GATAD2A: variants seen among roughly 807,000 people sequenced by gnomAD.
The protein encoded by GATAD2A is transcriptional repressor p66-alpha.
A neutral mutation model predicts 68.5 loss-of-function variants in GATAD2A; 12 were observed. The ratio of observed to expected loss-of-function variants is 0.18; its 90% CI spans 0.11 to 0.28. GATAD2A has a LOEUF of 0.28. GATAD2A is among the 10% of genes least tolerant of loss of function. The probability of loss-of-function intolerance (pLI) is 1.00; values close to 1 mark genes in which losing one functional copy is unlikely to be tolerated. For missense variants in GATAD2A, 755 were observed against 868.5 expected (o/e 0.87, Z 1.64); for synonymous variants, 410 against 375.3 (o/e 1.09, Z -1.07).
intron 7 of GATAD2A, among the ~76,000 whole-genome samples, chr19:19,497,283 A>T (rs951102785): frequency 6.6e-6 from 1 of 152,174 alleles, no homozygotes; most frequent in African/African-American, 2.4e-5. Context: ...TTTAGTCAAG[A>T]CAGTGTTACA....
intron 1 of GATAD2A, among the ~76,000 whole-genome samples, chr19:19,437,138 T>G (rs1439108982): frequency 6.6e-6 from 1 of 152,228 alleles, no homozygotes; most frequent in Non-Finnish European, 1.5e-5. Context: ...ATTTTTATTT[T>G]TTATGTTTTG....
intron 4 of GATAD2A, among the ~76,000 whole-genome samples, chr19:19,493,830 C>G (rs940328339): frequency 6.8e-6 from 1 of 147,214 alleles, no homozygotes; most frequent in Non-Finnish European, 1.5e-5. Flanking sequence ...TGTCACTTGT[C>G]GAAAACTCAT....
At chr19:19,470,151 T>C (rs936669932) in intron 2 of GATAD2A, among the ~76,000 whole-genome samples, 1 of 137,392 alleles carries the variant, frequency 7.3e-6, no homozygotes, top group African/African-American at 2.8e-5. Flanking sequence ...TTATTTTTTT[T>C]TTTGTTTTTT....
rs1028096773 is a variant in GATAD2A, at chr19:19,508,395, A to G, written c.*2921A>G. 6.6e-6 allele frequency: 1 copy of G among 152,246 alleles called. No individual in the cohort carries two copies. Among genetic ancestry groups the G allele is most frequent in the African/African-American group, 2.4e-5 (1 of 41,436 alleles). 9.4% of individuals were successfully genotyped at this position (152,246 alleles called of 1,614,324 possible). On this transcript the variant is annotated 3_prime_UTR_variant, in exon 12 of 12. Coordinates refer to ENST00000683918, the MANE Select transcript of GATAD2A (RefSeq NM_001384528.1). ...CCCTTCTCAGAGTGGAACAGCCCACAGTGCTAGTTGTGCCTGGTCTTACCT... is the reference window on the plus strand; with the variant it reads ...CCCTTCTCAGAGTGGAACAGCCCACGGTGCTAGTTGTGCCTGGTCTTACCT...
rs1600248856 is a variant in GATAD2A at position 19,483,602 on chromosome 19, C to T, written c.270-8704C>T. The stretch of plus-strand genomic sequence containing the variant: ...GGTGACTCGGGAGGACACCAGACAA[C>T]CCCCAGGAGTTCTTCAGTGTTTTTT... On this transcript the variant is annotated intron_variant, in intron 2 of 11. Transcript: ENST00000683918. Among the ~76,000 whole-genome samples the T allele has an allele frequency of 2.0e-5, 3 of 151,940 alleles. No individual in the cohort carries two copies. The South Asian group carries it at 6.2e-4, about 32-fold the overall frequency.
At chr19:19,429,494 G>A (rs1185793088) in intron 1 of GATAD2A, among the ~76,000 whole-genome samples, 3 of 152,052 alleles carry the variant, frequency 2.0e-5, no homozygotes, top group African/African-American at 7.2e-5. Flanking sequence ...CTTGAAGGCC[G>A]TGGTGAGGTG....
intron 1 of GATAD2A, among the ~76,000 whole-genome samples, chr19:19,421,651 G>A (rs1201187898): frequency 2.6e-5 from 4 of 152,120 alleles, no homozygotes; most frequent in African/African-American, 7.2e-5. Flanking sequence ...TACTGTGTGC[G>A]AGGGAAGAAA....
intron 2 of GATAD2A, among the ~76,000 whole-genome samples, chr19:19,465,900 C>T (rs576613521): frequency 1.3e-5 from 2 of 152,382 alleles, no homozygotes; most frequent in East Asian, 3.9e-4. Flanking sequence ...CACCCACGCA[C>T]CTGCTGTCTG....
rs376767972 is a variant in GATAD2A at position 19,421,828 on chromosome 19, T to C, written c.-7+15809T>C. On this transcript the variant is annotated intron_variant, in intron 1 of 11. Transcript: ENST00000683918. ...ACCTTCTCTCTCTTTTTTTTTTTTC[T>C]TCTTTTTTGAGACAGAGTCTCACTC... is the stretch of plus-strand genomic sequence containing the variant. Among the ~76,000 whole-genome samples the C allele has an allele frequency of 2.6e-4, 39 of 151,888 alleles. No homozygotes were observed. The South Asian group carries it at 4.4e-3, about 17-fold the overall frequency.
intron 11 of GATAD2A, among the ~76,000 whole-genome samples, chr19:19,504,973 C>T (rs2144558966): frequency 6.6e-6 from 1 of 152,268 alleles, no homozygotes; most frequent in East Asian, 1.9e-4. Flanking sequence ...GCATAGTATT[C>T]CATCCTGCAT....
intron 1 of GATAD2A, among the ~76,000 whole-genome samples, chr19:19,418,282 C>T (rs1193789990): frequency 1.3e-5 from 2 of 152,304 alleles, no homozygotes; most frequent in African/African-American, 4.8e-5. Flanking sequence ...GACTGGCCAG[C>T]TCCAGGGGCA....
chr19:19,490,975 A>G (rs911163257), intron 2 of GATAD2A, among the ~76,000 whole-genome samples: 3 of 152,040 alleles, frequency 2.0e-5, no homozygotes, highest in African/African-American at 7.2e-5. Context: ...GTTGGGGACA[A>G]AGTGCCATCT....
At chr19:19,395,144 T>A (rs1290478377) in intron 1 of GATAD2A, among the ~76,000 whole-genome samples, 1 of 152,136 alleles carries the variant, frequency 6.6e-6, no homozygotes, top group Non-Finnish European at 1.5e-5. Flanking sequence ...GTTCTTGGGC[T>A]CCAAGTTGAG....
At chr19:19,436,167 T>G in intron 1 of GATAD2A, 1 of 1,366,450 alleles carries the variant, frequency 7.3e-7, no homozygotes, top group Non-Finnish European at 9.8e-7. Context: ...CCTTTTGATG[T>G]CACTGTGGCC....
At chr19:19,434,461 T>C (rs2054095742) in intron 1 of GATAD2A, among the ~76,000 whole-genome samples, 1 of 152,222 alleles carries the variant, frequency 6.6e-6, no homozygotes, top group African/African-American at 2.4e-5. Flanking sequence ...TGTTGTCCCC[T>C]ATCCTTATTT....
At chr19:19,444,567 C>T (rs2055481591) in intron 1 of GATAD2A, among the ~76,000 whole-genome samples, 1 of 152,166 alleles carries the variant, frequency 6.6e-6, no homozygotes, top group African/African-American at 2.4e-5. Flanking sequence ...GCCTGTGGCA[C>T]TTCCCCAATA....
intron 2 of GATAD2A, among the ~76,000 whole-genome samples, chr19:19,471,471 T>C (rs934199079): frequency 6.6e-6 from 1 of 151,912 alleles, no homozygotes; most frequent in African/African-American, 2.4e-5. Context: ...AAAAAGCAAA[T>C]TTATTTGAGA....
chr19:19,483,139 T>C (rs2059173908), intron 2 of GATAD2A, among the ~76,000 whole-genome samples: 1 of 152,126 alleles, frequency 6.6e-6, no homozygotes, highest in African/African-American at 2.4e-5. Flanking sequence ...GCTCCTCTGC[T>C]CTAGCTGGGG....
At chr19:19,502,823 A>T (rs973731657) in intron 11 of GATAD2A, among the ~76,000 whole-genome samples, 5 of 152,046 alleles carry the variant, frequency 3.3e-5, no homozygotes, top group African/African-American at 1.2e-4. Flanking sequence ...ATCCATGTGG[A>T]CTCTTGTCAG....
Sources: allele counts gnomAD v4.1 joint callset (sites outside exome capture counted in the v4.1 genomes callset), GRCh38; gene constraint gnomAD v4.1.1; transcripts MANE v1.5; gene names NCBI Gene and HGNC (gene_info 2026-07-23, HGNC 2026-07-21).